The following SCMH1 variants were observed in gnomAD, a reference collection of about 807,000 sequenced individuals.
The protein encoded by SCMH1 is Scm polycomb group protein homolog 1, also known as polycomb protein SCMH1.
In SCMH1, 37 loss-of-function variants were observed where a neutral mutation model predicts 70.8. That is an observed-to-expected ratio of 0.52 (90% CI 0.40 to 0.69). SCMH1 has a LOEUF of 0.69. SCMH1 is among the 30% of genes least tolerant of loss of function. The probability of loss-of-function intolerance (pLI) is 0.00; values close to 1 mark genes in which losing one functional copy is unlikely to be tolerated. For missense variants in SCMH1, 607 were observed against 827.3 expected, an observed-to-expected ratio of 0.73 and a Z score of 3.27; for synonymous variants, 292 against 307.4, an observed-to-expected ratio of 0.95 and a Z score of 0.52.
intron 8 of SCMH1, among the ~76,000 whole-genome samples, chr1:41,104,230 G>A (rs1357914370): frequency 6.6e-6 from 1 of 152,128 alleles, no homozygotes; most frequent in Non-Finnish European, 1.5e-5. Context: ...AGTGAACCTA[G>A]CACTGCTAAC....
chr1:41,048,770 T>G, exon 11 of SCMH1: 1 of 1,614,174 alleles, frequency 6.2e-7, no homozygotes, highest in Non-Finnish European at 8.5e-7. Flanking sequence ...GATACAGGCC[T>G]GGACAGCCTG....
At chr1:41,194,789 T>C (rs189176946) in intron 1 of SCMH1, among the ~76,000 whole-genome samples, 1 of 152,184 alleles carries the variant, frequency 6.6e-6, no homozygotes, top group East Asian at 1.9e-4. Flanking sequence ...TCTTGGGCAG[T>C]GTGGAACCAG....
chr1:41,131,201 A>T (rs892674129), intron 6 of SCMH1, among the ~76,000 whole-genome samples: 8 of 152,168 alleles, frequency 5.3e-5, no homozygotes, highest in African/African-American at 1.9e-4. Context: ...ATTGACCATA[A>T]ATTGGTAGGT....
chr1:41,111,051 T>G (rs984511376), intron 8 of SCMH1, among the ~76,000 whole-genome samples: 1 of 152,264 alleles, frequency 6.6e-6, no homozygotes, highest in African/African-American at 2.4e-5. Flanking sequence ...ATTGAGCATC[T>G]TAAGTGCTTA....
chr1:41,140,683 T>A (rs1386674283), intron 6 of SCMH1, among the ~76,000 whole-genome samples: 1 of 152,196 alleles, frequency 6.6e-6, no homozygotes, highest in Non-Finnish European at 1.5e-5. Flanking sequence ...TCTAGTGTTC[T>A]GATTATGGTC....
At chr1:41,235,591 A>G (rs1159107785) in intron 1 of SCMH1, among the ~76,000 whole-genome samples, 1 of 148,452 alleles carries the variant, frequency 6.7e-6, no homozygotes, top group African/African-American at 2.6e-5. Flanking sequence ...AAAAAAAAAA[A>G]AAAAAGAAAA....
intron 10 of SCMH1, among the ~76,000 whole-genome samples, chr1:41,050,670 TAAGAG>T (rs1558456227): frequency 6.6e-6 from 1 of 151,930 alleles, no homozygotes; most frequent in Non-Finnish European, 1.5e-5. Flanking sequence ...AGCCAGATAA[TAAGAG>T]AGGAGATGAC....
At chr1:41,111,294 G>A (rs1445848749) in intron 8 of SCMH1, among the ~76,000 whole-genome samples, 1 of 152,124 alleles carries the variant, frequency 6.6e-6, no homozygotes, top group Non-Finnish European at 1.5e-5. Flanking sequence ...TGGTTTACAA[G>A]GTCCTACATG....
intron 8 of SCMH1, among the ~76,000 whole-genome samples, chr1:41,092,403 C>T (rs1663836636): frequency 6.6e-6 from 1 of 152,114 alleles, no homozygotes; most frequent in African/African-American, 2.4e-5. Context: ...AATGTTAGAC[C>T]TAAAACCATA....
chr1:41,074,138 G>A (rs965366977), intron 9 of SCMH1, among the ~76,000 whole-genome samples: 4 of 149,406 alleles, frequency 2.7e-5, no homozygotes, highest in Non-Finnish European at 4.4e-5. Context: ...AACAGGCCAT[G>A]ACTAAGAGGT....
At chr1:41,033,867 C>T in intron 13 of SCMH1, 116 bp downstream of exon 14, 2 of 1,468,584 alleles carry the variant, frequency 1.4e-6, no homozygotes, top group South Asian at 2.7e-5. Flanking sequence ...ATTGGAGATG[C>T]TTAGGGAACA....
intron 1 of SCMH1, among the ~76,000 whole-genome samples, chr1:41,224,631 C>A (rs1659921069): frequency 6.6e-6 from 1 of 152,068 alleles, no homozygotes; most frequent in South Asian, 2.1e-4. Flanking sequence ...CACAACAAAC[C>A]CAATGATACA....
At chr1:41,167,495 T>C (rs1192274271) in intron 2 of SCMH1, among the ~76,000 whole-genome samples, 3 of 152,160 alleles carry the variant, frequency 2.0e-5, no homozygotes, top group Non-Finnish European at 4.4e-5. Context: ...TGCCATTAGG[T>C]CCTAGGCTTT....
At chr1:41,152,146 A>C (rs1371113404) in intron 4 of SCMH1, among the ~76,000 whole-genome samples, 1 of 152,166 alleles carries the variant, frequency 6.6e-6, no homozygotes, top group African/African-American at 2.4e-5. Flanking sequence ...AATGAAGAAA[A>C]GGCTGTCTAG....
At chr1:41,189,564 C>T (rs1651151193) in intron 1 of SCMH1, among the ~76,000 whole-genome samples, 1 of 152,128 alleles carries the variant, frequency 6.6e-6, no homozygotes, top group Non-Finnish European at 1.5e-5. Context: ...GAATGATCCA[C>T]CAGAAGAAGG....
intron 10 of SCMH1, among the ~76,000 whole-genome samples, chr1:41,055,225 T>G (rs1649802314): frequency 6.6e-6 from 1 of 152,098 alleles, no homozygotes; most frequent in African/African-American, 2.4e-5. Flanking sequence ...AAAAAGGCAA[T>G]CTCAGTTTTC....
chr1:41,168,009 G>T (rs1646529022), intron 2 of SCMH1, among the ~76,000 whole-genome samples: 1 of 151,228 alleles, frequency 6.6e-6, no homozygotes, highest in South Asian at 2.1e-4. Flanking sequence ...CTGGCCTTAG[G>T]GTGGTTCCCT....
Position 41,075,205 on chromosome 1 carries a change from C to A in SCMH1, c.978+14G>T. On this transcript the variant is annotated intron_variant, in intron 9 of 14. Transcript: ENST00000337495. ...AACCCTTATTCCTTTCTGGGAAACCCACATTTTACCTACCTTGCTGCCAGG... is the reference window on the plus strand; with the variant it reads ...AACCCTTATTCCTTTCTGGGAAACCAACATTTTACCTACCTTGCTGCCAGG... 1 of 1,613,430 alleles carries A rather than the reference C, an allele frequency of 6.2e-7. No individual in the cohort carries two copies. Among genetic ancestry groups the A allele is most frequent in the Non-Finnish European group, 8.5e-7 (1 of 1,179,416 alleles).
At chr1:41,098,946 T>C (rs762121073) in intron 8 of SCMH1, 16 of 266,936 alleles carry the variant, frequency 6.0e-5, no homozygotes, top group South Asian at 5.4e-4. Context: ...ATGAAGAAGA[T>C]AGAAGACAAC....
Sources: allele counts gnomAD v4.1 joint callset (sites outside exome capture counted in the v4.1 genomes callset), GRCh38; gene constraint gnomAD v4.1.1; transcripts MANE v1.5; gene names NCBI Gene and HGNC (gene_info 2026-07-23, HGNC 2026-07-21).